The following GRM8 variants were observed in gnomAD, a reference collection of about 807,000 sequenced individuals.
GRM8 encodes glutamate metabotropic receptor 8, also known as metabotropic glutamate receptor 8.
Under a neutral mutation model 87.2 loss-of-function variants are expected in GRM8, and 47 were observed. That is an observed-to-expected ratio of 0.54 (90% CI 0.43 to 0.69). GRM8 has a LOEUF of 0.69. Ranked by LOEUF, GRM8 falls within the 30% of genes least tolerant of loss-of-function variation. The pLI, the probability that GRM8 is intolerant of heterozygous loss-of-function variation, is 0.00. For missense variants in GRM8, 1,019 were observed against 1,139.2 expected (o/e 0.89, Z 1.52); for synonymous variants, 396 against 404.5 (o/e 0.98, Z 0.25).
intron 7 of GRM8, among the ~76,000 whole-genome samples, chr7:126,723,807 G>A (rs925045629): frequency 6.6e-6 from 1 of 152,024 alleles, no homozygotes; most frequent in Non-Finnish European, 1.5e-5. Flanking sequence ...ACTTAAGTTC[G>A]GCCACTCTGG....
At chr7:126,756,579 A>G (rs1817028869) in intron 7 of GRM8, among the ~76,000 whole-genome samples, 1 of 152,112 alleles carries the variant, frequency 6.6e-6, no homozygotes, top group Non-Finnish European at 1.5e-5. Flanking sequence ...AATAATAGTA[A>G]GATGAAATGA....
At chr7:126,972,865 T>C (rs1189384571) in intron 3 of GRM8, among the ~76,000 whole-genome samples, 1 of 152,232 alleles carries the variant, frequency 6.6e-6, no homozygotes, top group African/African-American at 2.4e-5. Flanking sequence ...TAGAGCCTAG[T>C]ATATTTAGTT....
chr7:126,735,130 A>T (rs1814052806), intron 7 of GRM8, among the ~76,000 whole-genome samples: 1 of 152,092 alleles, frequency 6.6e-6, no homozygotes, highest in Non-Finnish European at 1.5e-5. Flanking sequence ...ATTTGTTTAA[A>T]TTGCTGTAGG....
chr7:126,939,795 T>C (rs1806714272), intron 3 of GRM8, among the ~76,000 whole-genome samples: 1 of 152,190 alleles, frequency 6.6e-6, no homozygotes, highest in Non-Finnish European at 1.5e-5. Context: ...ACAGACTTCC[T>C]CCACTCTGTG....
At chr7:127,028,265 G>A (rs376595934) in intron 3 of GRM8, among the ~76,000 whole-genome samples, 3 of 152,282 alleles carry the variant, frequency 2.0e-5, no homozygotes, top group East Asian at 3.9e-4. Context: ...TCGCATTGAT[G>A]TTCATCAGGG....
At chr7:127,094,703 T>C (rs1332410471) in intron 3 of GRM8, among the ~76,000 whole-genome samples, 1 of 152,200 alleles carries the variant, frequency 6.6e-6, no homozygotes, top group Non-Finnish European at 1.5e-5. Context: ...CCACCCAGTT[T>C]ATGGGACTTT....
intron 9 of GRM8, among the ~76,000 whole-genome samples, chr7:126,463,683 C>T (rs531749315): frequency 2.2e-4 from 34 of 151,690 alleles, no homozygotes; most frequent in African/African-American, 8.0e-4. Flanking sequence ...GAAAGGAAGT[C>T]TATATAACAG....
At chr7:126,933,910 A>G (rs1465733891) in intron 3 of GRM8, among the ~76,000 whole-genome samples, 1 of 152,220 alleles carries the variant, frequency 6.6e-6, no homozygotes, top group Non-Finnish European at 1.5e-5. Flanking sequence ...TGTGGAGGGC[A>G]TGAATACTTA....
chr7:126,859,558 T>C (rs1004690392), intron 6 of GRM8, among the ~76,000 whole-genome samples: 1 of 152,230 alleles, frequency 6.6e-6, no homozygotes, highest in Non-Finnish European at 1.5e-5. Context: ...CATTCTGTTT[T>C]ATAAAGGATG....
At chr7:126,979,191 C>G (rs1444933040) in intron 3 of GRM8, among the ~76,000 whole-genome samples, 8 of 152,132 alleles carry the variant, frequency 5.3e-5, no homozygotes, top group African/African-American at 1.9e-4. Context: ...ATTCTAAATA[C>G]AAAGCCAATT....
At chr7:126,559,347 A>G (rs531490907) in intron 8 of GRM8, among the ~76,000 whole-genome samples, 4 of 151,686 alleles carry the variant, frequency 2.6e-5, no homozygotes, top group African/African-American at 9.7e-5. Flanking sequence ...CAATTTTTGC[A>G]TTTTTAGTAG....
chr7:127,112,157 C>G (rs1413639592), intron 2 of GRM8: 1 of 152,342 alleles, frequency 6.6e-6, no homozygotes, highest in Admixed American at 6.5e-5. Context: ...ACCACCTATC[C>G]CTCTCACTCA....
chr7:126,484,543 A>T (rs1280525594), intron 9 of GRM8, among the ~76,000 whole-genome samples: 2 of 152,070 alleles, frequency 1.3e-5, no homozygotes, highest in Non-Finnish European at 2.9e-5. Flanking sequence ...TTCATAAGAA[A>T]GTACCCTCAT....
chr7:126,626,919 T>C (rs1402730641), intron 7 of GRM8, among the ~76,000 whole-genome samples: 2 of 152,190 alleles, frequency 1.3e-5, no homozygotes, highest in African/African-American at 4.8e-5. Context: ...GTATAGATTA[T>C]CACTGGAGAA....
intron 3 of GRM8, among the ~76,000 whole-genome samples, chr7:126,929,244 C>A (rs560054124): frequency 6.6e-6 from 1 of 152,146 alleles, no homozygotes; most frequent in South Asian, 2.1e-4. Flanking sequence ...TATTATGTTG[C>A]CCCATTTGAA....
chr7:126,714,818 A>G (rs1223098636), intron 7 of GRM8, among the ~76,000 whole-genome samples: 1 of 152,062 alleles, frequency 6.6e-6, no homozygotes, highest in African/African-American at 2.4e-5. Context: ...TTTATATGAT[A>G]TATATGTGTA....
At chr7:126,636,127 G>A (rs1410017727) in intron 7 of GRM8, among the ~76,000 whole-genome samples, 1 of 151,960 alleles carries the variant, frequency 6.6e-6, no homozygotes, top group Non-Finnish European at 1.5e-5. Flanking sequence ...AATGCTTTAT[G>A]CATTCTGATT....
chr7:126,599,431 A>G (rs996386519), intron 8 of GRM8, among the ~76,000 whole-genome samples: 1 of 152,116 alleles, frequency 6.6e-6, no homozygotes, highest in African/African-American at 2.4e-5. Context: ...CCTTGTAAAG[A>G]TAACAGTGCT....
chr7:126,814,965 T>C (rs943921515), intron 6 of GRM8, among the ~76,000 whole-genome samples: 3 of 152,122 alleles, frequency 2.0e-5, no homozygotes, highest in African/African-American at 7.2e-5. Context: ...TTTGCTGTTG[T>C]CTCTCTATAC....
Sources: allele counts gnomAD v4.1 joint callset (sites outside exome capture counted in the v4.1 genomes callset), GRCh38; gene constraint gnomAD v4.1.1; transcripts MANE v1.5; gene names NCBI Gene and HGNC (gene_info 2026-07-23, HGNC 2026-07-21).